Variants in AUH observed in about 807,000 individuals in gnomAD.
The protein encoded by AUH is AU RNA binding methylglutaconyl-CoA hydratase, also known as methylglutaconyl-CoA hydratase, mitochondrial.
In AUH, 29 loss-of-function variants were observed where a neutral mutation model predicts 42.3. The ratio of observed to expected loss-of-function variants is 0.69; its 90% confidence interval spans 0.51 to 0.93. The LOEUF is 0.93. Among genes scored for constraint, AUH ranks in the 40% least tolerant of loss-of-function variants. The probability of loss-of-function intolerance (pLI) is 0.00; values close to 1 mark genes in which losing one functional copy is unlikely to be tolerated. For missense variants in AUH, 452 were observed against 438.1 expected (o/e 1.03, Z -0.28); for synonymous variants, 174 against 166.4 (o/e 1.05, Z -0.35).
At chr9:91,219,099 G>A in intron 7 of AUH, 1 of 933,874 alleles carries the variant, frequency 1.1e-6, no homozygotes, top group African/African-American at 1.8e-5. Context: ...GGCAGTGGAA[G>A]GAGGGAGCAG....
At chr9:91,259,477 T>C (rs1829591921) in intron 6 of AUH, among the ~76,000 whole-genome samples, 1 of 152,108 alleles carries the variant, frequency 6.6e-6, no homozygotes, top group Non-Finnish European at 1.5e-5. Flanking sequence ...GTTTTACTGA[T>C]TGTTCTCTAT....
At chr9:91,215,970 C>T (rs948983440) in intron 9 of AUH, 89 bp downstream of exon 9, 1 of 1,387,074 alleles carries the variant, frequency 7.2e-7, no homozygotes, top group Non-Finnish European at 1.0e-6. Flanking sequence ...CAAGGGTAAT[C>T]TTGCTCAGTG....
At chr9:91,361,054 C>A (rs1341581644) in intron 1 of AUH, among the ~76,000 whole-genome samples, 1 of 152,204 alleles carries the variant, frequency 6.6e-6, no homozygotes, top group African/African-American at 2.4e-5. Context: ...CCATACCATC[C>A]ACATTCTTAT....
chr9:91,298,984 C>T (rs1312916196), intron 4 of AUH, among the ~76,000 whole-genome samples: 1 of 152,032 alleles, frequency 6.6e-6, no homozygotes. Flanking sequence ...TTTGGGAGGC[C>T]GAGGTGGGAG....
At position 91,219,969 on chromosome 9, in the gene AUH, T is replaced by A. The variant is rs186760643; in HGVS notation, c.843+836A>T. On this transcript the variant is annotated intron_variant, in intron 7 of 9. Coordinates refer to ENST00000375731, the MANE Select transcript of AUH (RefSeq NM_001698.3). ...AGCAACCCTGAGTTAGAGAGAAAAA[T>A]TATTTTGACTCTAGAAATGGTTAGG... Among the ~76,000 whole-genome samples, 15 of 152,188 alleles carry A rather than the reference T, an allele frequency of 9.9e-5. 1 individual carries two copies. The East Asian group carries it at 2.7e-3, about 27-fold the overall frequency.
At chr9:91,359,795 G>A (rs1832709738) in intron 1 of AUH, among the ~76,000 whole-genome samples, 1 of 152,072 alleles carries the variant, frequency 6.6e-6, no homozygotes, top group East Asian at 1.9e-4. Flanking sequence ...CCACCTCTAA[G>A]AGAAATAAAG....
At chr9:91,350,468 G>A (rs188179798) in intron 3 of AUH, among the ~76,000 whole-genome samples, 9 of 152,236 alleles carry the variant, frequency 5.9e-5, no homozygotes, top group African/African-American at 2.2e-4. Context: ...CTTCTCAAAT[G>A]TTGTAATGGG....
intron 6 of AUH, among the ~76,000 whole-genome samples, chr9:91,268,217 A>G (rs3811124): frequency 0.075 from 11,352 of 152,254 alleles, 688 homozygotes; most frequent in East Asian, 0.26. Flanking sequence ...AAAGTGCTCC[A>G]CCTAAACTTT....
intron 6 of AUH, among the ~76,000 whole-genome samples, chr9:91,225,036 C>A (rs1171106888): frequency 6.6e-6 from 1 of 152,140 alleles, no homozygotes; most frequent in East Asian, 1.9e-4. Flanking sequence ...AATAGTTACC[C>A]CAAATGGCAA....
At chr9:91,266,186 A>C (rs111864508) in intron 6 of AUH, among the ~76,000 whole-genome samples, 10,844 of 151,776 alleles carry the variant, frequency 0.071, 667 homozygotes, top group East Asian at 0.26. Flanking sequence ...CATGGTGAAA[A>C]GCCGCCTCTA....
chr9:91,296,087 A>G lies in AUH; in HGVS notation c.599-10T>C. On this transcript the variant is annotated splice_polypyrimidine_tract_variant and intron_variant, in intron 5 of 9. Transcript: ENST00000375731. The stretch of plus-strand genomic sequence containing the variant: ...ATTTTTGCAGAGGAAGCTAAAACGA[A>G]AGAAAGAAAATTAAGTATCATCCAT... The G allele has an allele frequency of 6.2e-7, 1 of 1,613,732 alleles. No homozygotes were observed. Among genetic ancestry groups the G allele is most frequent in the South Asian group, 1.1e-5 (1 of 91,058 alleles).
intron 4 of AUH, among the ~76,000 whole-genome samples, chr9:91,309,675 T>G (rs574979731): frequency 4.1e-4 from 63 of 152,192 alleles, no homozygotes; most frequent in African/African-American, 1.3e-3. Context: ...AGGACAGTGG[T>G]GAAGAGGGTG....
At chr9:91,237,641 C>A (rs1454001374) in intron 6 of AUH, among the ~76,000 whole-genome samples, 1 of 152,186 alleles carries the variant, frequency 6.6e-6, no homozygotes, top group Non-Finnish European at 1.5e-5. Context: ...TGACAACCCA[C>A]TGCAGTTAAA....
intron 6 of AUH, among the ~76,000 whole-genome samples, chr9:91,230,569 C>A (rs1229361526): frequency 6.6e-6 from 1 of 152,218 alleles, no homozygotes; most frequent in African/African-American, 2.4e-5. Context: ...AAGTCATTCT[C>A]CGTCCAGCTT....
chr9:91,293,172 T>C (rs1025617534), intron 6 of AUH, among the ~76,000 whole-genome samples: 1 of 152,182 alleles, frequency 6.6e-6, no homozygotes, highest in African/African-American at 2.4e-5. Context: ...CAAAACAGTA[T>C]TGAAATTAGG....
At position 91,268,673 on chromosome 9, in the gene AUH, ACCTC is replaced by A. The variant is rs1469474767; in HGVS notation, c.655+27344_655+27347del. Among the ~76,000 whole-genome samples, 5 of 151,470 alleles carry A rather than the reference ACCTC, an allele frequency of 3.3e-5. No homozygotes were observed. The East Asian group carries it at 9.8e-4, about 30-fold the overall frequency. On this transcript the variant is annotated intron_variant, in intron 6 of 9. Coordinates refer to ENST00000375731, the MANE Select transcript of AUH (RefSeq NM_001698.3). ...TCAAACTCCTGAGCTCAGGCAATCT[ACCTC>A]CCTCAGCCTCCGAAAGTGCTAAGAT...
At chr9:91,255,177 A>G (rs755604207) in intron 6 of AUH, among the ~76,000 whole-genome samples, 2 of 152,228 alleles carry the variant, frequency 1.3e-5, no homozygotes, top group African/African-American at 2.4e-5. Context: ...TTAGTATCAG[A>G]GCAAACTAGT....
intron 3 of AUH, among the ~76,000 whole-genome samples, chr9:91,352,881 G>A (rs1157588553): frequency 6.6e-6 from 1 of 152,170 alleles, no homozygotes; most frequent in Non-Finnish European, 1.5e-5. Context: ...CAAAGAATAA[G>A]AGGAGTTCCT....
rs187499727 is a variant in AUH at position 91,313,967 on chromosome 9, G to T, written c.505+11351C>A. ...GCCTCCTGAGTAGCTGGGATTACAG[G>T]CACGTGCCACCACGCCTGGCTAATT... On this transcript the variant is annotated intron_variant, in intron 4 of 9. Transcript: ENST00000375731. 4.2e-3 allele frequency among the ~76,000 whole-genome samples: 637 copies of T among 151,756 alleles called. 6 individuals are homozygous for T. Among genetic ancestry groups the T allele is most frequent in the African/African-American group, 0.015 (602 of 41,414 alleles).
Sources: gnomAD v4.1 joint callset for allele counts (sites outside exome capture counted in the v4.1 genomes callset) on GRCh38, gnomAD v4.1.1 for gene constraint, MANE v1.5 for transcripts, NCBI Gene and HGNC (gene_info 2026-07-23, HGNC 2026-07-21) for gene names.